PRAMEF4: variants seen among roughly 807,000 people sequenced by gnomAD.
PRAMEF4 encodes the protein PRAME family member 4, also known as RP5-845O24.6.
In PRAMEF4, 18 loss-of-function variants were observed where a neutral mutation model predicts 34.4. The ratio of observed to expected loss-of-function variants is 0.52; its 90% confidence interval spans 0.36 to 0.78. The LOEUF (loss-of-function observed/expected upper bound fraction) is 0.78. Among genes scored for constraint, PRAMEF4 ranks in the 30% least tolerant of loss-of-function variants. The probability of loss-of-function intolerance (pLI) is 0.00; values close to 1 mark genes in which losing one functional copy is unlikely to be tolerated. For synonymous variants in PRAMEF4, 156 were observed against 219.3 expected (o/e 0.71, Z 2.55); for missense variants, 482 against 569.1 (o/e 0.85, Z 1.56).
rs28593276 is a variant in PRAMEF4, at chr1:12,883,754, A to C, written c.-16-344T>G. On this transcript the variant is annotated intron_variant, in intron 1 of 3. Coordinates refer to ENST00000235349, the MANE Select transcript of PRAMEF4 (RefSeq NM_001009611.4). ...AGGTTCTAAAACAATGGGAATGGGA[A>C]TGTCACAAGCCTACATGCCCACATT... 4.9e-4 allele frequency among the ~76,000 whole-genome samples: 71 copies of C among 144,410 alleles called. 5 individuals carry two copies. The highest frequency in any genetic ancestry group is 1.7e-3 in the African/African-American group (69 of 39,676). The allele number at this position is 144,410 out of a possible 152,430, so 94.7% of individuals were successfully genotyped here.
At position 12,885,746 on chromosome 1, in the gene PRAMEF4, C is replaced by G. The variant is rs563931101; in HGVS notation, c.-17+401G>C. Among the ~76,000 whole-genome samples the G allele has an allele frequency of 3.4e-3, 504 of 147,218 alleles. 44 individuals carry two copies. Among genetic ancestry groups the G allele is most frequent in the African/African-American group, 0.012 (477 of 39,288 alleles). On this transcript the variant is annotated intron_variant, in intron 1 of 3. Coordinates refer to ENST00000235349, the MANE Select transcript of PRAMEF4 (RefSeq NM_001009611.4). ...GTTGCAGGGAGTTGAGATCATGCCA[C>G]TGCACTCCAGTCTGGGCAACACAGT... is the stretch of plus-strand genomic sequence containing the variant.
At chr1:12,884,718 C>G (rs564440450) in intron 1 of PRAMEF4, among the ~76,000 whole-genome samples, 6 of 148,178 alleles carry the variant, frequency 4.0e-5, no homozygotes, top group African/African-American at 1.5e-4. Flanking sequence ...AACAGAGAGA[C>G]AGAGAGAGCT....
At chr1:12,884,137 A>T (rs797034376) in intron 1 of PRAMEF4, among the ~76,000 whole-genome samples, 8 of 145,268 alleles carry the variant, frequency 5.5e-5, no homozygotes, top group South Asian at 4.5e-4. Context: ...CCTCCCAAGT[A>T]GCTCGGACCA....
intron 2 of PRAMEF4, among the ~76,000 whole-genome samples, 158 bp from the exon 3 acceptor site, chr1:12,882,593 G>GT (rs1201787739): frequency 4.8e-5 from 7 of 146,054 alleles, no homozygotes; most frequent in South Asian, 2.2e-4. Flanking sequence ...CTTCCACATT[G>GT]TTTTGTTTTT....
chr1:12,884,925 G>A (rs1358221262), intron 1 of PRAMEF4, among the ~76,000 whole-genome samples: 1 of 150,286 alleles, frequency 6.7e-6, no homozygotes, highest in East Asian at 2.0e-4. Context: ...AAAGTCCTGA[G>A]TGTGAGACAG....
chr1:12,883,749 T>G (rs900198719), intron 1 of PRAMEF4, among the ~76,000 whole-genome samples: 1 of 147,998 alleles, frequency 6.8e-6, no homozygotes, highest in African/African-American at 2.5e-5. Context: ...ACAATGGGAA[T>G]GGGAATGTCA....
Position 12,884,988 on chromosome 1 carries a change from G to T in PRAMEF4, c.-17+1159C>A, listed in dbSNP as rs2743628. On this transcript the variant is annotated intron_variant, in intron 1 of 3. Coordinates refer to ENST00000235349, the MANE Select transcript of PRAMEF4 (RefSeq NM_001009611.4). Reference sequence around the variant, plus strand: ...AGACAGAAAGAAAGAAAACTTGAAAGTATCTTTGTTGAGGGATCCTTGGCC... The same window carrying T: ...AGACAGAAAGAAAGAAAACTTGAAATTATCTTTGTTGAGGGATCCTTGGCC... 2.9e-3 allele frequency among the ~76,000 whole-genome samples: 426 copies of T among 149,308 alleles called. 1 individual carries two copies. The highest frequency in any genetic ancestry group is 9.8e-3 in the African/African-American group (391 of 40,008).
In PRAMEF4 at chr1:12,879,845, C is replaced by T; in HGVS notation, c.1136G>A (p.Cys379Tyr). ...VNAILPALSR[C>Y]FELNTFSFCG... ...GAAGCTGAAGGTGTTGAGCTCAAAG[C>T]AGCGGCTCAGGGCAGGCAAGATGGC... Residue 379 changes from cysteine to tyrosine, a missense_variant, in exon 4 of 4, where the codon TGC becomes TAC. Cys to Tyr is a radical substitution (Grantham distance 194, BLOSUM62 -2). This residue lies in a region of PRAMEF4 where 116 missense variants were observed against 105.2 expected (regional missense o/e 1.10). Transcript: ENST00000235349. The T allele has an allele frequency of 1.3e-6, 2 of 1,599,602 alleles. No homozygotes were observed. Among genetic ancestry groups the T allele is most frequent in the South Asian group, 1.1e-5 (1 of 90,258 alleles).
chr1:12,882,076 C>G lies in PRAMEF4; in HGVS notation c.653G>C (p.Trp218Ser). 6.3e-7 allele frequency: 1 copy of G among 1,588,392 alleles called. No individual in the cohort carries two copies. The highest frequency in any genetic ancestry group is 8.5e-7 in the Non-Finnish European group (1 of 1,172,910). ...CIQEVEVNCK[W>S]VLPILTQFTP... is the part of the protein sequence containing the mutation. ...AAACTGTGTCAGGATGGGCAGTACC[C>G]ACTTGCAATTCACTTCCACCTCCTG... The change falls in exon 3 of 4, where the codon TGG (tryptophan) becomes TCG (serine). Residue 218 changes from tryptophan (W) to serine (S), a missense_variant. Physicochemically the swap from Trp to Ser is radical, Grantham distance 177. Around this residue, in one of 6 missense-constraint regions of PRAMEF4, gnomAD observed 81 missense variants for 73.1 expected, o/e 1.11. Coordinates refer to ENST00000235349, the MANE Select transcript of PRAMEF4 (RefSeq NM_001009611.4).
chr1:12,881,650 C>T (rs1353015580), intron 3 of PRAMEF4, among the ~76,000 whole-genome samples: 2 of 142,730 alleles, frequency 1.4e-5, no homozygotes, highest in Non-Finnish European at 3.0e-5. Context: ...CATAGCATCT[C>T]CCCTAGCTGA....
At chr1:12,885,534 A>C (rs1031909596) in intron 1 of PRAMEF4, among the ~76,000 whole-genome samples, 1 of 148,522 alleles carries the variant, frequency 6.7e-6, no homozygotes, top group African/African-American at 2.5e-5. Flanking sequence ...TAATCCCAGC[A>C]CTTTGGGAGG....
chr1:12,883,493 C>A (rs1487540817), intron 1 of PRAMEF4, 83 bp from the exon 2 acceptor site: 1 of 1,554,102 alleles, frequency 6.4e-7, no homozygotes, highest in African/African-American at 1.4e-5. Context: ...GCCAAACTCA[C>A]TGCTCTGGCA....
rs1426805491 is a variant in PRAMEF4, at chr1:12,882,229, GTGAGGTATTCATC to G, written c.487_499del (p.Asp163ProfsTer21). On this transcript the variant is annotated frameshift_variant, in exon 3 of 4. Transcript: ENST00000235349. LOFTEE classifies it high-confidence loss of function. ...CTGCTTGACCCATAGAAGGAGGCAGGTGAGGTATTCATCCAGAGTCCTGTTCTTGAGCCAAAGT... is the reference window on the plus strand; with the variant it reads ...CTGCTTGACCCATAGAAGGAGGCAGGCAGAGTCCTGTTCTTGAGCCAAAGT... 6.3e-7 allele frequency: 1 copy of G among 1,585,040 alleles called. No individual in the cohort carries two copies. The highest frequency in any genetic ancestry group is 1.5e-5 in the African/African-American group (1 of 68,496).
At position 12,881,765 on chromosome 1, in the gene PRAMEF4, C is replaced by G. The variant is rs976667687; in HGVS notation, c.875+89G>C. 1.1e-5 allele frequency: 18 copies of G among 1,572,490 alleles called. 2 individuals carry two copies. The highest frequency in any genetic ancestry group is 1.3e-5 in the Non-Finnish European group (15 of 1,160,812). On this transcript the variant is annotated intron_variant, in intron 3 of 3. Coordinates refer to ENST00000235349, the MANE Select transcript of PRAMEF4 (RefSeq NM_001009611.4). ...AGTGTCCCCTTCACTGTTTCATCCT[C>G]ATAGGCTGGCTCACAGTAGATGCCC...
Position 12,879,757 on chromosome 1 carries a change from T to C in PRAMEF4, c.1224A>G (p.Lys408=). The change falls in exon 4 of 4, where the codon AAA becomes AAG. Residue 408 remains lysine (K), a synonymous_variant. Coordinates refer to ENST00000235349, the MANE Select transcript of PRAMEF4 (RefSeq NM_001009611.4). ...ENLLSHTIIL[K]NLCVELYPAP... ...CAGGATACAGCTCCACGCATAAGTT[T>C]TTGAGTATGATTGTGTGGCTCAGCA... 6.2e-7 allele frequency: 1 copy of C among 1,602,188 alleles called. No homozygotes were observed. The highest frequency in any genetic ancestry group is 8.5e-7 in the Non-Finnish European group (1 of 1,175,124).
Position 12,881,991 on chromosome 1 carries a change from G to A in PRAMEF4, c.738C>T (p.Val246=). The A allele has an allele frequency of 1.3e-6, 2 of 1,589,508 alleles. No homozygotes were observed. The highest frequency in any genetic ancestry group is 1.7e-5 in the Admixed American group (1 of 57,584). The change falls in exon 3 of 4, where the codon GTC becomes GTT. Residue 246 remains valine, a synonymous_variant. Transcript: ENST00000235349. The stretch of plus-strand genomic sequence containing the variant: ...TCTGCTCTGGGGAAACGTAGCGAGA[G>A]ACATCCATGTGGGAGAGAATGAGTT... ...LQKLILSHMD[V]SRYVSPEQKK...
intron 1 of PRAMEF4, among the ~76,000 whole-genome samples, chr1:12,884,368 G>T (rs1411560008): frequency 3.3e-5 from 5 of 149,460 alleles, no homozygotes; most frequent in African/African-American, 9.9e-5. Flanking sequence ...ACACTGTTAT[G>T]CATCATTCTC....
chr1:12,881,236 C>G (rs1174233706), intron 3 of PRAMEF4, among the ~76,000 whole-genome samples: 1 of 147,656 alleles, frequency 6.8e-6, no homozygotes, highest in Non-Finnish European at 1.5e-5. Context: ...TGTGGTGGCT[C>G]ACGCCTGTAA....
rs548796071 is a variant in PRAMEF4 at position 12,885,109 on chromosome 1, G to C, written c.-17+1038C>G. ...ACACAATAGAAATCTTCATGTATCC[G>C]ATGATCACCTGGGTCATATAATTGT... On this transcript the variant is annotated intron_variant, in intron 1 of 3. Coordinates refer to ENST00000235349, the MANE Select transcript of PRAMEF4 (RefSeq NM_001009611.4). 6.3e-4 allele frequency among the ~76,000 whole-genome samples: 94 copies of C among 149,750 alleles called. 1 individual carries two copies. Among genetic ancestry groups the C allele is most frequent in the African/African-American group, 2.2e-3 (91 of 40,446 alleles).
Sources: allele counts gnomAD v4.1 joint callset (sites outside exome capture counted in the v4.1 genomes callset), GRCh38; gene constraint gnomAD v4.1.1; regional missense constraint gnomAD v4.1.1; transcripts MANE v1.5; gene names NCBI Gene and HGNC (gene_info 2026-07-23, HGNC 2026-07-21).